The following TENM4 variants were observed in gnomAD, a reference collection of about 807,000 sequenced individuals.
TENM4 encodes the protein teneurin-4.
Under a neutral mutation model 243.3 loss-of-function variants are expected in TENM4, and 82 were observed. The observed-to-expected ratio is 0.34, with a 90% CI of 0.28 to 0.40. TENM4 has a LOEUF of 0.40. Among genes scored for constraint, TENM4 ranks in the 10% least tolerant of loss-of-function variants. The pLI is 1.00. For missense variants in TENM4, 3,138 were observed against 3,673.3 expected (o/e 0.85, Z 3.77); for synonymous variants, 1,412 against 1,456.3 (o/e 0.97, Z 0.69).
chr11:78,820,298 A>T (rs1857699229), intron 12 of TENM4, among the ~76,000 whole-genome samples: 2 of 152,216 alleles, frequency 1.3e-5, no homozygotes, highest in Admixed American at 1.3e-4. Context: ...ATGGGAGATG[A>T]AGTCACCTTC....
chr11:78,800,300 G>A (rs1857254183), intron 15 of TENM4, among the ~76,000 whole-genome samples: 1 of 152,214 alleles, frequency 6.6e-6, no homozygotes, highest in African/African-American at 2.4e-5. Flanking sequence ...AGCCCAGCAG[G>A]CCTGCTCCCT....
intron 1 of TENM4, among the ~76,000 whole-genome samples, chr11:79,376,516 T>C (rs1484568374): frequency 6.6e-6 from 1 of 152,236 alleles, no homozygotes; most frequent in Non-Finnish European, 1.5e-5. Context: ...CCCTTCTTGA[T>C]AGCACATTTC....
intron 1 of TENM4, among the ~76,000 whole-genome samples, chr11:79,337,373 C>T (rs930348017): frequency 1.3e-5 from 2 of 152,170 alleles, no homozygotes; most frequent in African/African-American, 2.4e-5. Context: ...CGTGCCTCAC[C>T]GTGATCACAG....
At chr11:78,898,627 C>T (rs1172017067) in intron 7 of TENM4, among the ~76,000 whole-genome samples, 1 of 152,150 alleles carries the variant, frequency 6.6e-6, no homozygotes, top group Non-Finnish European at 1.5e-5. Context: ...TGTACCAGGT[C>T]TTCCAGGAAG....
At chr11:79,294,752 G>A (rs1010304843) in intron 2 of TENM4, among the ~76,000 whole-genome samples, 1 of 152,122 alleles carries the variant, frequency 6.6e-6, no homozygotes, top group African/African-American at 2.4e-5. Flanking sequence ...GGGAGGCTGA[G>A]GCAGGAGAAT....
At chr11:78,778,724 T>C (rs2136014554) in intron 16 of TENM4, 96 bp from the exon 17 acceptor site, 11 of 1,180,130 alleles carry the variant, frequency 9.3e-6, no homozygotes, top group East Asian at 2.4e-5. Context: ...GACAAAGGGA[T>C]TGTGCCCCAC....
At chr11:78,976,976 T>C (rs1857672821) in intron 6 of TENM4, among the ~76,000 whole-genome samples, 1 of 152,204 alleles carries the variant, frequency 6.6e-6, no homozygotes, top group Non-Finnish European at 1.5e-5. Context: ...CAATATTACT[T>C]GACATTTAAT....
At chr11:78,849,493 T>C (rs757398233) in intron 12 of TENM4, among the ~76,000 whole-genome samples, 1 of 152,214 alleles carries the variant, frequency 6.6e-6, no homozygotes, top group Non-Finnish European at 1.5e-5. Flanking sequence ...GGTCAACATA[T>C]CTATTGTCTA....
intron 28 of TENM4, among the ~76,000 whole-genome samples, chr11:78,695,615 G>A (rs1464860380): frequency 6.6e-6 from 1 of 151,826 alleles, no homozygotes; most frequent in African/African-American, 2.4e-5. Flanking sequence ...CACCTGCCTC[G>A]GCCTCCCAAA....
intron 6 of TENM4, among the ~76,000 whole-genome samples, chr11:78,904,930 G>T (rs537093710): frequency 6.6e-6 from 1 of 152,346 alleles, no homozygotes; most frequent in African/African-American, 2.4e-5. Flanking sequence ...TTTCAAAGCA[G>T]ATGATATTAT....
intron 6 of TENM4, among the ~76,000 whole-genome samples, chr11:78,938,430 T>C (rs1856829873): frequency 6.6e-6 from 1 of 152,174 alleles, no homozygotes; most frequent in Non-Finnish European, 1.5e-5. Context: ...AACACGTCCA[T>C]GTTTGATTCT....
chr11:79,293,436 G>A (rs936914490), intron 2 of TENM4, among the ~76,000 whole-genome samples: 5 of 151,076 alleles, frequency 3.3e-5, no homozygotes, highest in South Asian at 2.1e-4. Flanking sequence ...GAGCCCAGAC[G>A]TTTGAGGCTG....
intron 1 of TENM4, among the ~76,000 whole-genome samples, chr11:79,433,944 G>A (rs1255341960): frequency 6.6e-6 from 1 of 152,162 alleles, no homozygotes; most frequent in Non-Finnish European, 1.5e-5. Context: ...CAATCCTGAG[G>A]TGACCTCTCT....
intron 3 of TENM4, among the ~76,000 whole-genome samples, chr11:79,168,604 G>A (rs1862970795): frequency 6.6e-6 from 1 of 152,156 alleles, no homozygotes; most frequent in Non-Finnish European, 1.5e-5. Flanking sequence ...GGTTGATACA[G>A]CATCTGACTG....
intron 18 of TENM4, among the ~76,000 whole-genome samples, chr11:78,757,227 G>C (rs1212566458): frequency 6.6e-6 from 1 of 152,236 alleles, no homozygotes; most frequent in African/African-American, 2.4e-5. Flanking sequence ...AGGAGAGATA[G>C]ACAGTAAGTG....
rs1857840450 is a variant in TENM4 at position 78,654,445 on chromosome 11, A to T, written c.*3613T>A. On this transcript the variant is annotated 3_prime_UTR_variant, in exon 34 of 34. Transcript: ENST00000278550. ...CATTTGCATAATGGAAATCCCTGCC[A>T]TCTATAAAGGTGATACTTTAAAGTT... 6.6e-6 allele frequency: 1 copy of T among 152,192 alleles called. No individual in the cohort carries two copies. Among genetic ancestry groups the T allele is most frequent in the Non-Finnish European group, 1.5e-5 (1 of 68,032 alleles). The allele number at this position is 152,192 out of a possible 1,614,324, so 9.4% of individuals were successfully genotyped here.
chr11:79,131,269 C>T (rs1023175598), intron 4 of TENM4, among the ~76,000 whole-genome samples: 1 of 152,130 alleles, frequency 6.6e-6, no homozygotes, highest in Non-Finnish European at 1.5e-5. Context: ...ATCTTAAGAG[C>T]TGTGAGACAG....
At chr11:79,382,782 T>G (rs1049894013) in intron 1 of TENM4, among the ~76,000 whole-genome samples, 46 of 152,012 alleles carry the variant, frequency 3.0e-4, no homozygotes, top group Non-Finnish European at 7.4e-5. Flanking sequence ...GCCTGAGAAA[T>G]GAAACCACTC....
intron 25 of TENM4, among the ~76,000 whole-genome samples, chr11:78,719,283 C>T (rs1408942591): frequency 3.3e-5 from 5 of 152,120 alleles, no homozygotes; most frequent in Non-Finnish European, 7.3e-5. Context: ...TGGATATCTG[C>T]TTCACAGAGT....
Sources: gnomAD v4.1 joint callset for allele counts (sites outside exome capture counted in the v4.1 genomes callset) on GRCh38, gnomAD v4.1.1 for gene constraint, MANE v1.5 for transcripts, NCBI Gene and HGNC (gene_info 2026-07-23, HGNC 2026-07-21) for gene names.